ADAMTS8: variants seen among roughly 807,000 people sequenced by gnomAD.
ADAMTS8 encodes ADAM metallopeptidase with thrombospondin type 1 motif 8.
ADAMTS8 carries 50 observed loss-of-function variants against 64.4 expected under a neutral mutation model. That is an observed-to-expected ratio of 0.78 (90% CI 0.62 to 0.98). ADAMTS8 has a LOEUF of 0.98. Among genes scored for constraint, ADAMTS8 ranks in the 50% least tolerant of loss-of-function variants. ADAMTS8 has a pLI of 0.00. For synonymous variants in ADAMTS8, 556 were observed against 533.6 expected, an observed-to-expected ratio of 1.04 and a Z score of -0.58; for missense variants, 1,192 against 1,208.2, an observed-to-expected ratio of 0.99 and a Z score of 0.20.
chr11:130,412,380 AT>A (rs1336626378), intron 5 of ADAMTS8, among the ~76,000 whole-genome samples: 1 of 151,854 alleles, frequency 6.6e-6, no homozygotes, highest in Non-Finnish European at 1.5e-5. Context: ...CGCCTGGCTA[AT>A]TTTTGTATTT....
Position 130,416,254 on chromosome 11 carries a change from C to G in ADAMTS8, c.1173G>C (p.Val391=), listed in dbSNP as rs1345753158. 2.5e-6 allele frequency: 4 copies of G among 1,585,180 alleles called. No individual in the cohort carries two copies. The East Asian group carries it at 9.2e-5, about 37-fold the overall frequency. Residue 391 remains valine, a synonymous_variant, in exon 4 of 9, where the codon GTG becomes GTC. Transcript: ENST00000257359. The surrounding 1 kb of genome is among the most constrained non-coding windows in gnomAD (Gnocchi z 4.8). ...RLFGPMGKHH[V]MAPLFVHLNQ... is the part of the protein sequence containing the mutation. ...TCAGGTGGACGAACAGCGGTGCCAT[C>G]ACGTGGTGCTTGCCCATGGGCCCGA...
At position 130,405,158 on chromosome 11, in the gene ADAMTS8, C is replaced by T. The variant is rs1351115158; in HGVS notation, c.*400G>A. 3.2e-5 allele frequency: 32 copies of T among 1,003,840 alleles called. No homozygotes were observed. The highest frequency in any genetic ancestry group is 3.8e-5 in the Non-Finnish European group (32 of 841,864). The allele number at this position is 1,003,840 out of a possible 1,614,324, so 62.2% of individuals were successfully genotyped here. Reference sequence around the variant, plus strand: ...CATTGACTCCCTGCCCCACGCCTCTCTTGTACTAATTTTTTCCCCTGTGAG... The same window carrying T: ...CATTGACTCCCTGCCCCACGCCTCTTTTGTACTAATTTTTTCCCCTGTGAG... On this transcript the variant is annotated 3_prime_UTR_variant, in exon 9 of 9. Transcript: ENST00000257359.
chr11:130,411,463 C>A lies in ADAMTS8; in HGVS notation c.1704G>T (p.Arg568=), dbSNP rs1441466316. The part of the protein sequence containing the change: ...PQNGGRYCLG[R]RAKYQSCHTE... Reference sequence around the variant, plus strand: ...TGTGGCATGACTGGTACTTGGCTCTCCGACCCAGGCAGTATCTTCCTCCAT... The same window carrying A: ...TGTGGCATGACTGGTACTTGGCTCTACGACCCAGGCAGTATCTTCCTCCAT... The change falls in exon 6 of 9, where the codon CGG becomes CGT. Residue 568 remains arginine (R), a synonymous_variant. Transcript: ENST00000257359. The surrounding 1 kb of genome is among the most constrained non-coding windows in gnomAD (Gnocchi z 4.2). 1 of 1,614,058 alleles carries A rather than the reference C, an allele frequency of 6.2e-7. No individual in the cohort carries two copies. The highest frequency in any genetic ancestry group is 1.3e-5 in the African/African-American group (1 of 74,918).
intron 4 of ADAMTS8, among the ~76,000 whole-genome samples, chr11:130,415,594 C>T (rs939822499): frequency 4.6e-5 from 6 of 129,492 alleles, no homozygotes; most frequent in Admixed American, 8.7e-5. Context: ...GAAGCCACTG[C>T]ACCTGGCCCT....
In ADAMTS8 at chr11:130,411,784, G is replaced by A; in HGVS notation, c.1567-184C>T. 1.5e-6 allele frequency: 1 copy of A among 650,758 alleles called. No individual in the cohort carries two copies. Among genetic ancestry groups the A allele is most frequent in the Non-Finnish European group, 2.6e-6 (1 of 382,470 alleles). The allele number at this position is 650,758 out of a possible 1,614,324, so 40.3% of individuals were successfully genotyped here. A position where few individuals can be genotyped will look rare whatever the true frequency, so the allele number is the denominator to read the frequency against. Reference sequence around the variant, plus strand: ...TGGCCTGCATGGCTTTGTGAGCACAGAGACCAGGCTGGACTCATTCACTAC... The same window carrying A: ...TGGCCTGCATGGCTTTGTGAGCACAAAGACCAGGCTGGACTCATTCACTAC... On this transcript the variant is annotated intron_variant, in intron 5 of 8. Transcript: ENST00000257359. The surrounding 1 kb of genome is among the most constrained non-coding windows in gnomAD (Gnocchi z 4.2).
At chr11:130,408,721 C>T (rs746573090) in intron 7 of ADAMTS8, 47 bp downstream of exon 7, 29 of 1,611,680 alleles carry the variant, frequency 1.8e-5, no homozygotes, top group African/African-American at 1.2e-4. Context: ...TGGGGACAGG[C>T]GACCTTCCTC....
chr11:130,419,810 G>A (rs1016198104), intron 1 of ADAMTS8, among the ~76,000 whole-genome samples: 10 of 152,220 alleles, frequency 6.6e-5, no homozygotes, highest in Non-Finnish European at 1.0e-4. Context: ...AGTTCTGAGC[G>A]CTCAAGGTTA....
Position 130,428,378 on chromosome 11 carries a change from C to T in ADAMTS8, c.-92G>A. 8.3e-7 allele frequency: 1 copy of T among 1,201,856 alleles called. No homozygotes were observed. The highest frequency in any genetic ancestry group is 1.0e-6 in the Non-Finnish European group (1 of 959,568). 74.4% of individuals were successfully genotyped at this position (1,201,856 alleles called of 1,614,324 possible). A position where few individuals can be genotyped will look rare whatever the true frequency, so the allele number is the denominator to read the frequency against. On this transcript the variant is annotated 5_prime_UTR_variant, in exon 1 of 9. Transcript: ENST00000257359. ...GGCCCGAGCGCGGCCCGGCCGCTCT[C>T]TCCAGGAAAAGCGGAATCAATCGGG... is the stretch of plus-strand genomic sequence containing the variant.
chr11:130,406,653 G>T (rs1193472494), intron 8 of ADAMTS8, among the ~76,000 whole-genome samples: 1 of 151,682 alleles, frequency 6.6e-6, no homozygotes, highest in Admixed American at 6.5e-5. Flanking sequence ...GATGAATATG[G>T]CCCTAGGGTG....
At chr11:130,424,191 C>T (rs1429048873) in intron 1 of ADAMTS8, among the ~76,000 whole-genome samples, 1 of 152,160 alleles carries the variant, frequency 6.6e-6, no homozygotes, top group Non-Finnish European at 1.5e-5. Context: ...GAGAAAGAGG[C>T]CGCCTGGTGG....
Position 130,427,872 on chromosome 11 carries a change from C to T in ADAMTS8, c.415G>A (p.Gly139Ser). The T allele has an allele frequency of 2.0e-6, 3 of 1,535,212 alleles. No individual in the cohort carries two copies. The highest frequency in any genetic ancestry group is 1.2e-5 in the South Asian group (1 of 83,914). ...GGCTGAGCCAGGGAGCCCCCCGCGC[C>T]CTGCGGCTGGATGGTGAACTCCTCG... ...DGEEFTIQPQ[G>S]AGGSLAQPHR... Residue 139 changes from glycine to serine, a missense_variant, in exon 1 of 9, where the codon GGC becomes AGC. Transcript: ENST00000257359.
In ADAMTS8 at chr11:130,411,358, G is replaced by A; in HGVS notation, c.1750+59C>T. The A allele has an allele frequency of 6.4e-7, 1 of 1,571,616 alleles. No homozygotes were observed. The highest frequency in any genetic ancestry group is 1.2e-5 in the South Asian group (1 of 84,102). ...ACTCCCACTTTACACATCCTCTGGG[G>A]ATGCGTCATAGCAATGATAGTAGCT... On this transcript the variant is annotated intron_variant, in intron 6 of 8. Transcript: ENST00000257359. This position sits in a 1 kb window ranked among gnomAD's most constrained non-coding sequence, Gnocchi z 4.2.
rs756755329 is a variant in ADAMTS8 at position 130,427,951 on chromosome 11, C to A, written c.336G>T (p.Ser112=). Residue 112 remains serine (S), a synonymous_variant, in exon 1 of 9, where the codon TCG becomes TCT. Transcript: ENST00000257359. ...CGCGGCACAGGCTGACCGCCGCCAG[C>A]GACTCGGGCTCCCCATTCACGGTGC... ...FSGTVNGEPE[S]LAAVSLCRGL... The A allele has an allele frequency of 1.3e-6, 2 of 1,531,892 alleles. No homozygotes were observed. The highest frequency in any genetic ancestry group is 8.7e-7 in the Non-Finnish European group (1 of 1,145,634). 94.9% of individuals were successfully genotyped at this position (1,531,892 alleles called of 1,614,324 possible).
At chr11:130,415,603 C>CTTTTTT (rs386375276) in intron 4 of ADAMTS8, among the ~76,000 whole-genome samples, 3,256 of 104,608 alleles carry the variant, frequency 0.031, 187 homozygotes, top group East Asian at 0.14. Flanking sequence ...GCACCTGGCC[C>CTTTTTT]TTTTTTTTTT....
rs2003211 is a variant in ADAMTS8, at chr11:130,425,892, T to C, written c.720+1675A>G. Reference sequence around the variant, plus strand: ...CTGGGATTACAGGCTTGAGCCACCGTGCCCGGCCATCTTAGCTTCTTTCTG... The same window carrying C: ...CTGGGATTACAGGCTTGAGCCACCGCGCCCGGCCATCTTAGCTTCTTTCTG... On this transcript the variant is annotated intron_variant, in intron 1 of 8. Transcript: ENST00000257359. 0.012 allele frequency among the ~76,000 whole-genome samples: 1,894 copies of C among 152,238 alleles called. 55 individuals carry two copies. In the East Asian group the frequency reaches 0.14, roughly 11 times the overall value.
chr11:130,411,330 T>A lies in ADAMTS8; in HGVS notation c.1750+87A>T. The A allele has an allele frequency of 6.6e-7, 1 of 1,509,464 alleles. No homozygotes were observed. Among genetic ancestry groups the A allele is most frequent in the Middle Eastern group, 1.8e-4 (1 of 5,686 alleles). 93.5% of individuals were successfully genotyped at this position (1,509,464 alleles called of 1,614,324 possible). ...TAACTCTATATCCCGGGACACCCAC[T>A]TCACTCCCACTTTACACATCCTCTG... On this transcript the variant is annotated intron_variant, in intron 6 of 8. Coordinates refer to ENST00000257359, the MANE Select transcript of ADAMTS8 (RefSeq NM_007037.6). The surrounding 1 kb of genome is among the most constrained non-coding windows in gnomAD (Gnocchi z 4.2).
chr11:130,416,259 G>T lies in ADAMTS8; in HGVS notation c.1168C>A (p.His390Asn). Residue 390 changes from histidine (H) to asparagine (N), a missense_variant, in exon 4 of 9, where the codon CAC (histidine) becomes AAC (asparagine). Physicochemically the swap from His to Asn is moderately conservative, Grantham distance 68. This residue lies in a region of ADAMTS8 where 741 missense variants were observed against 710.6 expected (regional missense o/e 1.04). Transcript: ENST00000257359. The surrounding 1 kb of genome is among the most constrained non-coding windows in gnomAD (Gnocchi z 4.8). ...TRLFGPMGKH[H>N]VMAPLFVHLN... The stretch of plus-strand genomic sequence containing the variant: ...TGGACGAACAGCGGTGCCATCACGT[G>T]GTGCTTGCCCATGGGCCCGAAGAGC... 1 of 1,583,976 alleles carries T rather than the reference G, an allele frequency of 6.3e-7. No homozygotes were observed. Among genetic ancestry groups the T allele is most frequent in the Non-Finnish European group, 8.6e-7 (1 of 1,165,696 alleles).
In ADAMTS8 at chr11:130,428,014, G is replaced by C; in HGVS notation, c.273C>G (p.Thr91=). ...AGCCGCGCAGCCCCCGCTCGCCCCCGGTCGCCCGGCCGGAGCCCCCGAGGC... is the reference window on the plus strand; with the variant it reads ...AGCCGCGCAGCCCCCGCTCGCCCCCCGTCGCCCGGCCGGAGCCCCCGAGGC... ...IERLGGSGRA[T]GGERGLRGCF... Residue 91 remains threonine (T), a synonymous_variant, in exon 1 of 9, where the codon ACC becomes ACG. Transcript: ENST00000257359. The C allele has an allele frequency of 6.6e-7, 1 of 1,525,858 alleles. No homozygotes were observed. The highest frequency in any genetic ancestry group is 8.7e-7 in the Non-Finnish European group (1 of 1,143,022). The allele number at this position is 1,525,858 out of a possible 1,614,324, so 94.5% of individuals were successfully genotyped here.
rs1592136658 is a variant in ADAMTS8 at position 130,427,551 on chromosome 11, A to G, written c.720+16T>C. ...GGCCTCCGGGCACGGCGGCTGGAGG[A>G]GGCTCTCAGTCCTACCTGCAGGTCG... is the stretch of plus-strand genomic sequence containing the variant. On this transcript the variant is annotated intron_variant, in intron 1 of 8. Coordinates refer to ENST00000257359, the MANE Select transcript of ADAMTS8 (RefSeq NM_007037.6). 1 of 1,494,956 alleles carries G rather than the reference A, an allele frequency of 6.7e-7. No individual in the cohort carries two copies. Among genetic ancestry groups the G allele is most frequent in the South Asian group, 1.2e-5 (1 of 81,696 alleles). 92.6% of individuals were successfully genotyped at this position (1,494,956 alleles called of 1,614,324 possible). A position where few individuals can be genotyped will look rare whatever the true frequency, so the allele number is the denominator to read the frequency against.
Sources: gnomAD v4.1 joint callset for allele counts (sites outside exome capture counted in the v4.1 genomes callset) on GRCh38, gnomAD v4.1.1 for gene constraint, gnomAD v4.1.1 regional missense constraint, Gnocchi (gnomAD v3.1) non-coding constraint, MANE v1.5 for transcripts, NCBI Gene and HGNC (gene_info 2026-07-23, HGNC 2026-07-21) for gene names.